The following VPS8 variants were observed in gnomAD, a reference collection of about 807,000 sequenced individuals.
The protein encoded by VPS8 is vacuolar protein sorting-associated protein 8 homolog.
In VPS8, 129 loss-of-function variants were observed where a neutral mutation model predicts 216.4. The observed-to-expected ratio is 0.60, with a 90% CI of 0.52 to 0.69. VPS8 has a LOEUF of 0.69. Ranked by LOEUF, VPS8 falls within the 30% of genes least tolerant of loss-of-function variation. The probability of loss-of-function intolerance (pLI) is 0.00; values close to 1 mark genes in which losing one functional copy is unlikely to be tolerated. For missense variants in VPS8, 1,531 were observed against 1,683.5 expected (o/e 0.91, Z 1.59); for synonymous variants, 571 against 565.4 (o/e 1.01, Z -0.14).
At chr3:184,935,522 C>T (rs1260252844) in intron 34 of VPS8, among the ~76,000 whole-genome samples, 1 of 151,940 alleles carries the variant, frequency 6.6e-6, no homozygotes, top group Non-Finnish European at 1.5e-5. Context: ...TACATTTGGT[C>T]TTTGTGTTTT....
chr3:185,004,981 CTA>C (rs57975472), intron 45 of VPS8, among the ~76,000 whole-genome samples: 151,727 of 152,210 alleles, frequency 1, 75,625 homozygotes, highest in Middle Eastern at 1. Flanking sequence ...AAGCCAATGT[CTA>C]TACAAGGGTT....
At chr3:184,922,545 T>A (rs1050499598) in intron 29 of VPS8, 13 of 385,712 alleles carry the variant, frequency 3.4e-5, no homozygotes, top group African/African-American at 2.3e-4. Context: ...GTGATCCAAA[T>A]GAAGAGAAAG....
Position 184,953,142 on chromosome 3 carries a change from C to T in VPS8, c.3036-4232C>T, listed in dbSNP as rs144251657. On this transcript the variant is annotated intron_variant, in intron 36 of 47. Coordinates refer to ENST00000625842, the MANE Select transcript of VPS8 (RefSeq NM_001009921.3). ...TACCTGGTGCAGTAAAGCCAAACAC[C>T]CACATTGAGGTTTGCAGTGAGAGAA... 8.2e-3 allele frequency among the ~76,000 whole-genome samples: 1,241 copies of T among 152,220 alleles called. 10 individuals are homozygous for T. The highest frequency in any genetic ancestry group is 0.014 in the Non-Finnish European group (929 of 68,012).
At chr3:184,980,305 TCTG>T in intron 40 of VPS8, among the ~76,000 whole-genome samples, 1 of 152,296 alleles carries the variant, frequency 6.6e-6, no homozygotes, top group Admixed American at 6.5e-5. Context: ...ACAAGGGTTC[TCTG>T]CATTTCCTGA....
intron 46 of VPS8, among the ~76,000 whole-genome samples, chr3:185,033,222 A>G (rs1758422593): frequency 6.6e-6 from 1 of 152,224 alleles, no homozygotes; most frequent in South Asian, 2.1e-4. Context: ...AATGAAATGT[A>G]TCCACCATTA....
At chr3:184,872,868 A>G (rs1327510206) in intron 21 of VPS8, among the ~76,000 whole-genome samples, 1 of 152,176 alleles carries the variant, frequency 6.6e-6, no homozygotes. Flanking sequence ...TAAAATTTCA[A>G]CCATTCAAGG....
chr3:184,970,913 T>A (rs1748297636), intron 39 of VPS8, among the ~76,000 whole-genome samples: 1 of 152,120 alleles, frequency 6.6e-6, no homozygotes, highest in African/African-American at 2.4e-5. Flanking sequence ...AGAAGTAGAA[T>A]CAACAAATAT....
intron 46 of VPS8, among the ~76,000 whole-genome samples, chr3:185,044,428 T>C (rs1382049074): frequency 6.6e-6 from 1 of 152,162 alleles, no homozygotes; most frequent in African/African-American, 2.4e-5. Flanking sequence ...AGATGATCCA[T>C]GCTAAGTACC....
intron 38 of VPS8, among the ~76,000 whole-genome samples, chr3:184,965,504 T>C (rs531662234): frequency 6.6e-6 from 1 of 152,194 alleles, no homozygotes; most frequent in Non-Finnish European, 1.5e-5. Context: ...CAAAGAAGTA[T>C]GGATGACCAA....
At chr3:185,050,577 G>T (rs567058890) in intron 47 of VPS8, among the ~76,000 whole-genome samples, 1 of 152,226 alleles carries the variant, frequency 6.6e-6, no homozygotes, top group African/African-American at 2.4e-5. Flanking sequence ...GGTGCCTGGC[G>T]GGTGAATCCC....
chr3:184,881,583 G>A (rs1249893946), intron 21 of VPS8, among the ~76,000 whole-genome samples: 1 of 151,980 alleles, frequency 6.6e-6, no homozygotes, highest in Non-Finnish European at 1.5e-5. Flanking sequence ...TGGGTAGACC[G>A]ATTCCTCCTC....
rs79789292 is a variant in VPS8 at position 184,830,797 on chromosome 3, A to G, written c.223-1892A>G. 2.5e-3 allele frequency among the ~76,000 whole-genome samples: 388 copies of G among 152,344 alleles called. 1 individual carries two copies. Among genetic ancestry groups the G allele is most frequent in the African/African-American group, 8.9e-3 (371 of 41,574 alleles). On this transcript the variant is annotated intron_variant, in intron 3 of 47. Coordinates refer to ENST00000625842, the MANE Select transcript of VPS8 (RefSeq NM_001009921.3). ...TCCTACAGCAATCGTTCCAATCTTT[A>G]TAGCACTTAAGCAACATAATGTCTT...
chr3:184,853,793 G>A (rs987812412), intron 11 of VPS8, 64 bp from the exon 12 acceptor site: 6 of 1,526,034 alleles, frequency 3.9e-6, no homozygotes, highest in Non-Finnish European at 4.4e-6. Context: ...AGTAGTCCAG[G>A]TAGAGATAGT....
chr3:184,970,136 C>T (rs1748166916), intron 39 of VPS8, among the ~76,000 whole-genome samples: 2 of 151,940 alleles, frequency 1.3e-5, no homozygotes, highest in Admixed American at 6.6e-5. Flanking sequence ...GTCTCAAACT[C>T]CTGACCTCAG....
At chr3:185,037,296 C>T (rs1391612613) in intron 46 of VPS8, among the ~76,000 whole-genome samples, 1 of 151,976 alleles carries the variant, frequency 6.6e-6, no homozygotes, top group Non-Finnish European at 1.5e-5. Context: ...TATGTGGCCT[C>T]CATTGTTTCT....
chr3:185,005,115 A>G (rs913733156), intron 45 of VPS8, among the ~76,000 whole-genome samples: 2 of 152,166 alleles, frequency 1.3e-5, no homozygotes, highest in Non-Finnish European at 2.9e-5. Context: ...CCCAAGCACC[A>G]TTTGTTGAAT....
Position 184,834,650 on chromosome 3 carries a change from A to G in VPS8, c.355A>G (p.Lys119Glu). Residue 119 changes from lysine (K) to glutamate (E), a missense_variant and splice_region_variant, in exon 5 of 48, where the codon AAG becomes GAG. Physicochemically the swap from Lys to Glu is moderately conservative, Grantham distance 56. Around this residue, in one of 3 missense-constraint regions of VPS8, gnomAD observed 199 missense variants for 182.2 expected, o/e 1.09. Transcript: ENST00000625842. ...AATGTTTTTCTTTTTTTTTTTCAGGAAGAAGAAATTACCTGATTCTTTTTC... is the reference window on the plus strand; with the variant it reads ...AATGTTTTTCTTTTTTTTTTTCAGGGAGAAGAAATTACCTGATTCTTTTTC... Reference protein sequence around the residue: ...DSGDRTNLKRKKKLPDSFSLH... With the variant: ...DSGDRTNLKREKKLPDSFSLH... The G allele has an allele frequency of 6.6e-7, 1 of 1,525,022 alleles. No individual in the cohort carries two copies. The highest frequency in any genetic ancestry group is 1.3e-5 in the South Asian group (1 of 77,986). The allele number at this position is 1,525,022 out of a possible 1,614,324, so 94.5% of individuals were successfully genotyped here. A position where few individuals can be genotyped will look rare whatever the true frequency, so the allele number is the denominator to read the frequency against.
intron 43 of VPS8, among the ~76,000 whole-genome samples, chr3:184,994,372 C>T (rs1188897900): frequency 6.6e-6 from 1 of 151,902 alleles, no homozygotes; most frequent in Non-Finnish European, 1.5e-5. Flanking sequence ...GGCATGGTGG[C>T]ATGTGCCTAT....
chr3:185,022,243 G>T (rs1201256102), intron 45 of VPS8, among the ~76,000 whole-genome samples: 2 of 152,142 alleles, frequency 1.3e-5, no homozygotes, highest in Admixed American at 1.3e-4. Context: ...GTTTCCTGAA[G>T]CCTTCCCAGC....
Sources: allele counts gnomAD v4.1 joint callset (sites outside exome capture counted in the v4.1 genomes callset), GRCh38; gene constraint gnomAD v4.1.1; regional missense constraint gnomAD v4.1.1; transcripts MANE v1.5; gene names NCBI Gene and HGNC (gene_info 2026-07-23, HGNC 2026-07-21).